Variants in CCBE1 observed in about 807,000 individuals in gnomAD.
The protein encoded by CCBE1 is collagen and calcium binding EGF domains 1, also known as collagen and calcium-binding EGF domain-containing protein 1.
In CCBE1, 37 loss-of-function variants were observed where a neutral mutation model predicts 50.0. That is an observed-to-expected ratio of 0.74 (90% confidence interval 0.57 to 0.97). The LOEUF is 0.97. Among genes scored for constraint, CCBE1 ranks in the 50% least tolerant of loss-of-function variants. The pLI is 0.00. For synonymous variants in CCBE1, 234 were observed against 203.7 expected (o/e 1.15, Z -1.27); for missense variants, 538 against 523.8 (o/e 1.03, Z -0.26).
chr18:59,687,216 C>T (rs2054666962), intron 2 of CCBE1, among the ~76,000 whole-genome samples: 1 of 152,200 alleles, frequency 6.6e-6, no homozygotes, highest in South Asian at 2.1e-4. Flanking sequence ...TACAGATGCC[C>T]TCCAATCTTC....
intron 2 of CCBE1, among the ~76,000 whole-genome samples, chr18:59,643,546 C>G (rs943631503): frequency 2.0e-5 from 3 of 152,180 alleles, no homozygotes; most frequent in Non-Finnish European, 4.4e-5. Context: ...CGCTTATAAT[C>G]CCAGCACTTT....
intron 2 of CCBE1, among the ~76,000 whole-genome samples, chr18:59,503,360 C>T (rs540502483): frequency 4.1e-4 from 62 of 151,762 alleles, no homozygotes; most frequent in Middle Eastern, 3.4e-3. Context: ...TCACAGAGGG[C>T]ATTATGCTAC....
intron 2 of CCBE1, among the ~76,000 whole-genome samples, chr18:59,521,894 A>G (rs918881922): frequency 5.6e-4 from 85 of 152,344 alleles, no homozygotes; most frequent in African/African-American, 1.9e-3. Context: ...GGAAAATGTA[A>G]AGCATGAATA....
intron 2 of CCBE1, among the ~76,000 whole-genome samples, chr18:59,521,422 G>A (rs544068172): frequency 1.1e-4 from 17 of 152,172 alleles, no homozygotes; most frequent in African/African-American, 4.1e-4. Flanking sequence ...TTCTTTGTTT[G>A]TTTTTTGTTT....
In CCBE1 at chr18:59,453,819, G is replaced by C. The variant is rs77420367; in HGVS notation, c.654+1032C>G. On this transcript the variant is annotated intron_variant, in intron 6 of 10. Coordinates refer to ENST00000439986, the MANE Select transcript of CCBE1 (RefSeq NM_133459.4). ...ATTTCTGAGTCCCTGACAAACTAGC[G>C]AATTGAGCAATCTTAGGTAGAATAA... Among the ~76,000 whole-genome samples the C allele has an allele frequency of 2.4e-3, 359 of 152,252 alleles. 1 individual carries two copies. Among genetic ancestry groups the C allele is most frequent in the African/African-American group, 8.3e-3 (343 of 41,552 alleles).
rs558381902 is a variant in CCBE1 at position 59,681,653 on chromosome 18, C to A, written c.212+14976G>T. On this transcript the variant is annotated intron_variant, in intron 2 of 10. Coordinates refer to ENST00000439986, the MANE Select transcript of CCBE1 (RefSeq NM_133459.4). ...CCCTTAACACTTTGATGGGCTCCTGCACTTACCCAGCATGAGCTTGCAGCA... is the reference window on the plus strand; with the variant it reads ...CCCTTAACACTTTGATGGGCTCCTGAACTTACCCAGCATGAGCTTGCAGCA... Among the ~76,000 whole-genome samples, 3 of 152,334 alleles carry A rather than the reference C, an allele frequency of 2.0e-5. No homozygotes were observed. The East Asian group carries it at 5.8e-4, about 29-fold the overall frequency.
intron 2 of CCBE1, among the ~76,000 whole-genome samples, chr18:59,578,005 A>G (rs527575264): frequency 6.6e-6 from 1 of 152,350 alleles, no homozygotes; most frequent in Non-Finnish European, 1.5e-5. Context: ...AAAGGAAAGT[A>G]TCATCAGAGT....
intron 2 of CCBE1, among the ~76,000 whole-genome samples, chr18:59,577,033 A>G (rs1248665420): frequency 6.6e-6 from 1 of 152,226 alleles, no homozygotes; most frequent in East Asian, 1.9e-4. Flanking sequence ...GCTGGCACAT[A>G]AAAGAAATCC....
intron 2 of CCBE1, among the ~76,000 whole-genome samples, chr18:59,627,342 G>A (rs1453220994): frequency 2.0e-5 from 3 of 152,142 alleles, no homozygotes; most frequent in South Asian, 2.1e-4. Context: ...TTACTAAAAC[G>A]ATTTTAACTG....
At chr18:59,525,342 T>C (rs768739446) in intron 2 of CCBE1, among the ~76,000 whole-genome samples, 1 of 152,272 alleles carries the variant, frequency 6.6e-6, no homozygotes, top group Non-Finnish European at 1.5e-5. Flanking sequence ...GTTGAGCTTT[T>C]GCTCATATAC....
At chr18:59,612,341 AAAC>A (rs2053581856) in intron 2 of CCBE1, among the ~76,000 whole-genome samples, 2 of 139,108 alleles carry the variant, frequency 1.4e-5, no homozygotes, top group East Asian at 1.9e-4. Context: ...AAAAAAAAAA[AAAC>A]AAACAATCCT....
intron 2 of CCBE1, among the ~76,000 whole-genome samples, chr18:59,695,336 C>T (rs1326784519): frequency 2.0e-5 from 3 of 152,210 alleles, no homozygotes; most frequent in East Asian, 1.9e-4. Flanking sequence ...AGCTCGGTGA[C>T]CTTGCTCACC....
chr18:59,625,934 A>G (rs2053778107), intron 2 of CCBE1, among the ~76,000 whole-genome samples: 1 of 152,158 alleles, frequency 6.6e-6, no homozygotes, highest in Non-Finnish European at 1.5e-5. Flanking sequence ...CCACACCTTT[A>G]TCTTGGGATT....
intron 2 of CCBE1, among the ~76,000 whole-genome samples, chr18:59,519,623 C>G (rs527914651): frequency 6.6e-6 from 1 of 152,266 alleles, no homozygotes; most frequent in East Asian, 1.9e-4. Flanking sequence ...TTGTAGGTTG[C>G]CTGTTCACTC....
intron 2 of CCBE1, among the ~76,000 whole-genome samples, chr18:59,480,551 T>C (rs986524950): frequency 1.3e-5 from 2 of 152,120 alleles, no homozygotes; most frequent in African/African-American, 4.8e-5. Context: ...AGGGCATAAA[T>C]AGGAAAAGGA....
At chr18:59,596,258 A>G (rs2053349383) in intron 2 of CCBE1, among the ~76,000 whole-genome samples, 1 of 152,208 alleles carries the variant, frequency 6.6e-6, no homozygotes, top group Non-Finnish European at 1.5e-5. Flanking sequence ...GCTTGGACGT[A>G]AAGTACCAAT....
At chr18:59,505,311 AG>A (rs770705570) in intron 2 of CCBE1, among the ~76,000 whole-genome samples, 23 of 152,346 alleles carry the variant, frequency 1.5e-4, no homozygotes, top group Middle Eastern at 6.8e-3. Context: ...ATACCCCAGC[AG>A]GACCAGGGAC....
chr18:59,445,839 G>T (rs1910643826), intron 7 of CCBE1, among the ~76,000 whole-genome samples: 1 of 152,220 alleles, frequency 6.6e-6, no homozygotes, highest in South Asian at 2.1e-4. Context: ...CCTTTGAAAT[G>T]TGGGACTTTA....
intron 2 of CCBE1, among the ~76,000 whole-genome samples, chr18:59,624,672 GT>G (rs1374297933): frequency 2.0e-5 from 3 of 152,144 alleles, no homozygotes; most frequent in Non-Finnish European, 4.4e-5. Flanking sequence ...TGTTTCAAGG[GT>G]GAGAAACTTC....
Sources: gnomAD v4.1 joint callset for allele counts (sites outside exome capture counted in the v4.1 genomes callset) on GRCh38, gnomAD v4.1.1 for gene constraint, MANE v1.5 for transcripts, NCBI Gene and HGNC (gene_info 2026-07-23, HGNC 2026-07-21) for gene names.